The following ZBTB20 variants were observed in gnomAD, a reference collection of about 807,000 sequenced individuals.
ZBTB20 encodes the protein zinc finger and BTB domain-containing protein 20.
Under a neutral mutation model 56.9 loss-of-function variants are expected in ZBTB20, and 9 were observed. That is an observed-to-expected ratio of 0.16 (90% CI 0.10 to 0.28). The LOEUF is 0.28. Among genes scored for constraint, ZBTB20 ranks in the 10% least tolerant of loss-of-function variants. The pLI is 1.00. For missense variants in ZBTB20, 655 were observed against 1,003.0 expected, an observed-to-expected ratio of 0.65 and a Z score of 4.69; for synonymous variants, 417 against 420.7, an observed-to-expected ratio of 0.99 and a Z score of 0.11.
At chr3:115,015,548 T>G (rs556227546) in intron 2 of ZBTB20, among the ~76,000 whole-genome samples, 1 of 151,932 alleles carries the variant, frequency 6.6e-6, no homozygotes, top group Non-Finnish European at 1.5e-5. Context: ...CAGCTCCCAC[T>G]TATAAGTGAG....
At chr3:114,728,065 T>G (rs1470555412) in intron 5 of ZBTB20, among the ~76,000 whole-genome samples, 1 of 152,180 alleles carries the variant, frequency 6.6e-6, no homozygotes, top group Non-Finnish European at 1.5e-5. Context: ...ATACCTGTTG[T>G]TAAATATCTT....
rs376354455 is a variant in ZBTB20, at chr3:115,128,658, T to C, written c.-703+18561A>G. Among the ~76,000 whole-genome samples the C allele has an allele frequency of 2.4e-3, 340 of 139,602 alleles. 2 individuals carry two copies. Among genetic ancestry groups the C allele is most frequent in the African/African-American group, 8.9e-3 (334 of 37,708 alleles). The allele number at this position is 139,602 out of a possible 152,430, so 91.6% of individuals were successfully genotyped here. ...CATCCTGGGCAACAGTGCAAGATTC[T>C]GACTCAAAAAAAAAAGAAAAGAAAA... On this transcript the variant is annotated intron_variant, in intron 1 of 11. Transcript: ENST00000675478.
At chr3:114,511,929 C>T (rs965429830) in intron 6 of ZBTB20, among the ~76,000 whole-genome samples, 1 of 152,074 alleles carries the variant, frequency 6.6e-6, no homozygotes, top group Admixed American at 6.6e-5. Flanking sequence ...GCTCTTATAT[C>T]TAGGGCTCCA....
At chr3:114,504,302 G>C (rs1482307175) in intron 6 of ZBTB20, among the ~76,000 whole-genome samples, 1 of 152,006 alleles carries the variant, frequency 6.6e-6, no homozygotes, top group African/African-American at 2.4e-5. Flanking sequence ...AATGATATAA[G>C]AATCACTATC....
Position 114,320,195 on chromosome 3 carries a change from T to G in ZBTB20, c.*18810A>C, listed in dbSNP as rs1251938698. The G allele has an allele frequency of 1.3e-5, 2 of 152,204 alleles. No homozygotes were observed. Among genetic ancestry groups the G allele is most frequent in the African/African-American group, 4.8e-5 (2 of 41,440 alleles). 9.4% of individuals were successfully genotyped at this position (152,204 alleles called of 1,614,324 possible). A position where few individuals can be genotyped will look rare whatever the true frequency, so the allele number is the denominator to read the frequency against. On this transcript the variant is annotated 3_prime_UTR_variant, in exon 12 of 12. Coordinates refer to ENST00000675478, the MANE Select transcript of ZBTB20 (RefSeq NM_001348800.3). ...GTATGTGTATTCAGTACAAATATAT[T>G]TTTTTCATAGCTGTTTTCCCCTGTT...
chr3:114,961,461 A>G (rs1000084625), intron 3 of ZBTB20, among the ~76,000 whole-genome samples: 1 of 152,164 alleles, frequency 6.6e-6, no homozygotes, highest in Non-Finnish European at 1.5e-5. Context: ...AAAATCAATT[A>G]TCTTAAAAGA....
At chr3:115,137,652 G>T (rs1187598632) in intron 1 of ZBTB20, among the ~76,000 whole-genome samples, 1 of 152,012 alleles carries the variant, frequency 6.6e-6, no homozygotes, top group East Asian at 1.9e-4. Context: ...ATGAATATGG[G>T]AAGGAGGAGA....
chr3:114,666,313 C>G (rs565633582), intron 6 of ZBTB20, among the ~76,000 whole-genome samples: 2 of 151,990 alleles, frequency 1.3e-5, no homozygotes, highest in Admixed American at 1.3e-4. Context: ...AGAAATTTTA[C>G]AAGTTAACAG....
At chr3:114,528,212 C>T (rs2047453198) in intron 6 of ZBTB20, among the ~76,000 whole-genome samples, 1 of 152,048 alleles carries the variant, frequency 6.6e-6, no homozygotes, top group Non-Finnish European at 1.5e-5. Flanking sequence ...TTTTGATATA[C>T]ATTTAAGCAT....
intron 7 of ZBTB20, among the ~76,000 whole-genome samples, chr3:114,463,307 A>G (rs1486825988): frequency 1.3e-5 from 2 of 152,192 alleles, no homozygotes; most frequent in Admixed American, 6.5e-5. Flanking sequence ...TGGGTACGGT[A>G]GCTTGAATAT....
chr3:115,038,627 AT>A (rs1401481809), intron 2 of ZBTB20, among the ~76,000 whole-genome samples: 1 of 152,096 alleles, frequency 6.6e-6, no homozygotes, highest in Non-Finnish European at 1.5e-5. Flanking sequence ...CTGCAGCTAA[AT>A]TTTGCCTAAA....
intron 6 of ZBTB20, among the ~76,000 whole-genome samples, chr3:114,651,755 G>GCA (rs2060146471): frequency 6.6e-6 from 1 of 152,134 alleles, no homozygotes; most frequent in East Asian, 1.9e-4. Context: ...AACACGAGCA[G>GCA]TGAACACTTG....
intron 7 of ZBTB20, among the ~76,000 whole-genome samples, chr3:114,488,327 T>C (rs763063970): frequency 2.0e-4 from 31 of 152,260 alleles, no homozygotes; most frequent in Non-Finnish European, 4.1e-4. Flanking sequence ...ATTTGTCTTT[T>C]CCAATTTTTT....
intron 6 of ZBTB20, among the ~76,000 whole-genome samples, chr3:114,566,547 G>A (rs1250147340): frequency 1.3e-5 from 2 of 152,146 alleles, no homozygotes; most frequent in African/African-American, 2.4e-5. Flanking sequence ...GTTTAAAACA[G>A]GATGTAGCAG....
At chr3:115,103,651 C>CA (rs958180815) in intron 1 of ZBTB20, among the ~76,000 whole-genome samples, 16 of 152,034 alleles carry the variant, frequency 1.1e-4, no homozygotes, top group Non-Finnish European at 2.4e-4. Context: ...CGTCTACATG[C>CA]AAAAAAATAA....
intron 5 of ZBTB20, among the ~76,000 whole-genome samples, chr3:114,725,416 T>A (rs1304599194): frequency 6.6e-6 from 1 of 152,014 alleles, no homozygotes; most frequent in East Asian, 1.9e-4. Flanking sequence ...ACAGGTTTCA[T>A]AAAATTGGTA....
At chr3:114,590,098 A>G (rs2055585682) in intron 6 of ZBTB20, among the ~76,000 whole-genome samples, 1 of 152,216 alleles carries the variant, frequency 6.6e-6, no homozygotes, top group Non-Finnish European at 1.5e-5. Flanking sequence ...CTAAAAGTCT[A>G]CTGCATATTT....
At chr3:115,100,811 A>G (rs144580609) in intron 1 of ZBTB20, among the ~76,000 whole-genome samples, 3 of 152,236 alleles carry the variant, frequency 2.0e-5, no homozygotes, top group Admixed American at 1.3e-4. Flanking sequence ...AAGAATGTGA[A>G]CAAATCAGCT....
chr3:115,134,841 A>C (rs1277898206), intron 1 of ZBTB20, among the ~76,000 whole-genome samples: 1 of 152,214 alleles, frequency 6.6e-6, no homozygotes, highest in Non-Finnish European at 1.5e-5. Flanking sequence ...CCTAAATGGC[A>C]GAAATATCAC....
Sources: allele counts gnomAD v4.1 joint callset (sites outside exome capture counted in the v4.1 genomes callset), GRCh38; gene constraint gnomAD v4.1.1; transcripts MANE v1.5; gene names NCBI Gene and HGNC (gene_info 2026-07-23, HGNC 2026-07-21).